The following CYLC1 variants were observed in gnomAD, a reference collection of about 807,000 sequenced individuals.
The protein encoded by CYLC1 is cylicin 1.
A neutral mutation model predicts 31.6 loss-of-function variants in CYLC1; 2 were observed. The observed-to-expected ratio is 0.06, with a 90% CI of 0.03 to 0.20. The LOEUF (loss-of-function observed/expected upper bound fraction) is 0.20, where lower values mean the gene tolerates loss of function less well. Ranked by LOEUF, CYLC1 falls within the 10% of genes least tolerant of loss-of-function variation. CYLC1 has a pLI of 1.00. For synonymous variants in CYLC1, 185 were observed against 153.0 expected (o/e 1.21, Z -1.54); for missense variants, 595 against 424.1 (o/e 1.40, Z -3.54).
At position 83,886,539 on chromosome X, in the gene CYLC1, C is replaced by T. The variant is rs2031985245; in HGVS notation, c.1924-13C>T. ...CTTTCTTTTTATTTGCATTTTTCTA[C>T]TTTGCTCCTCAGCCTGAAGCACCGT... On this transcript the variant is annotated splice_polypyrimidine_tract_variant and intron_variant, in intron 4 of 4. Transcript: ENST00000329312. 1 of 1,205,226 alleles carries T rather than the reference C, an allele frequency of 8.3e-7. No individual in the cohort carries two copies. Among genetic ancestry groups the T allele is most frequent in the Non-Finnish European group, 1.1e-6 (1 of 890,720 alleles).
intron 4 of CYLC1, among the ~76,000 whole-genome samples, chrX:83,876,339 G>A (rs997421084): frequency 9.1e-5 from 10 of 109,948 alleles, no homozygotes; most frequent in African/African-American, 3.3e-4. Context: ...ATACTTATAA[G>A]AAATAAAAGT....
Position 83,874,001 on chromosome X carries a change from A to T in CYLC1, c.1293A>T (p.Thr431=), listed in dbSNP as rs1225856559. The change falls in exon 4 of 5, where the codon ACA becomes ACT. Residue 431 remains threonine (T), a synonymous_variant. Transcript: ENST00000329312. ...AAAAGGATAAAAAAGATTCAAAGAC[A>T]GATAATAAAAAGTCTGTCAAGAATG... ...DEKKDKKDSK[T]DNKKSVKNDE... is the part of the protein sequence containing the mutation. The T allele has an allele frequency of 4.2e-6, 5 of 1,188,462 alleles. No individual in the cohort carries two copies. The highest frequency in any genetic ancestry group is 4.5e-6 in the Non-Finnish European group (4 of 884,165).
rs776965989 is a variant in CYLC1 at position 83,861,147 on chromosome X, C to T, written c.-36C>T. The T allele has an allele frequency of 1.7e-6, 2 of 1,171,081 alleles. No homozygotes were observed. Among genetic ancestry groups the T allele is most frequent in the Admixed American group, 4.5e-5 (2 of 44,518 alleles). On this transcript the variant is annotated 5_prime_UTR_variant, in exon 1 of 5. Coordinates refer to ENST00000329312, the MANE Select transcript of CYLC1 (RefSeq NM_021118.3). ...ACTCAACATTACCAGTTTCAACTTA[C>T]TATGCTCAAGTCCAGGCAACGTACA...
chrX:83,882,580 T>C (rs2031926781), intron 4 of CYLC1, among the ~76,000 whole-genome samples: 1 of 111,126 alleles, frequency 9.0e-6, no homozygotes, highest in African/African-American at 3.3e-5. Flanking sequence ...TTTTCTTTCT[T>C]GCTACTACTT....
chrX:83,867,866 G>A (rs997180932), intron 1 of CYLC1, among the ~76,000 whole-genome samples: 6 of 111,099 alleles, frequency 5.4e-5, no homozygotes, highest in South Asian at 3.7e-4. Flanking sequence ...ATTAAAATAC[G>A]GATATTTTTT....
intron 1 of CYLC1, among the ~76,000 whole-genome samples, chrX:83,869,354 C>T (rs2031633106): frequency 9.1e-6 from 1 of 109,966 alleles, no homozygotes; most frequent in African/African-American, 3.3e-5. Context: ...TTTTATGATC[C>T]TCTCCTTCCT....
chrX:83,883,109 T>C (rs900865873), intron 4 of CYLC1, among the ~76,000 whole-genome samples: 14 of 111,503 alleles, frequency 1.3e-4, no homozygotes, highest in African/African-American at 3.9e-4. Context: ...ATTGCCCCTC[T>C]TTTTTCTTGC....
Position 83,886,571 on chromosome X carries a change from A to G in CYLC1, c.1943A>G (p.His648Arg), listed in dbSNP as rs140033406. 0.01 allele frequency: 12,411 copies of G among 1,206,619 alleles called. 159 individuals are homozygous for G. Among genetic ancestry groups the G allele is most frequent in the East Asian group, 0.077 (2,594 of 33,674 alleles). The change falls in exon 5 of 5, where the codon CAT (histidine) becomes CGT (arginine). Residue 648 changes from histidine to arginine, a missense_variant. Transcript: ENST00000329312. ...YAPLPEAPWI[H>R]KLL Reference sequence around the variant, plus strand: ...CCTCAGCCTGAAGCACCGTGGATTCATAAGCTGCTTTAAAGAACAACTGAG... The same window carrying G: ...CCTCAGCCTGAAGCACCGTGGATTCGTAAGCTGCTTTAAAGAACAACTGAG...
chrX:83,878,056 T>C (rs1421776826), intron 4 of CYLC1, among the ~76,000 whole-genome samples: 1 of 62,229 alleles, frequency 1.6e-5, no homozygotes, highest in African/African-American at 6.5e-5. Flanking sequence ...ATATATATAT[T>C]TGTATATAAA....
At chrX:83,865,632 G>A (rs2031582748) in intron 1 of CYLC1, among the ~76,000 whole-genome samples, 1 of 111,583 alleles carries the variant, frequency 9.0e-6, no homozygotes, top group Non-Finnish European at 1.9e-5. Context: ...CTTTCTGAAG[G>A]CATCAGAAGC....
intron 2 of CYLC1, 88 bp downstream of exon 2, chrX:83,869,993 T>C: frequency 2.0e-6 from 1 of 504,594 alleles, no homozygotes; most frequent in African/African-American, 2.4e-5. Context: ...TTAAATGTGA[T>C]AAAGCAGAAA....
At chrX:83,869,492 G>C (rs773058532) in intron 1 of CYLC1, among the ~76,000 whole-genome samples, 31 of 110,561 alleles carry the variant, frequency 2.8e-4, no homozygotes, top group African/African-American at 9.8e-4. Flanking sequence ...TCCTGCTCTA[G>C]TATGCTGAGG....
chrX:83,879,363 G>T (rs2147786039), intron 4 of CYLC1, among the ~76,000 whole-genome samples: 1 of 110,507 alleles, frequency 9.0e-6, no homozygotes, highest in South Asian at 3.8e-4. Context: ...AGGAGGGAGA[G>T]AGAGAGGGAG....
intron 4 of CYLC1, among the ~76,000 whole-genome samples, chrX:83,878,805 A>C (rs748098100): frequency 1.9e-5 from 2 of 105,907 alleles, no homozygotes; most frequent in South Asian, 8.2e-4. Context: ...GTGTATGGGG[A>C]ACTTATGAAC....
chrX:83,883,927 T>C (rs1293839671), intron 4 of CYLC1, among the ~76,000 whole-genome samples: 1 of 111,656 alleles, frequency 9.0e-6, no homozygotes, highest in Non-Finnish European at 1.9e-5. Flanking sequence ...GAAGTAATAT[T>C]TCAGCTTGGT....
intron 4 of CYLC1, among the ~76,000 whole-genome samples, chrX:83,881,666 C>A (rs1412568052): frequency 9.2e-6 from 1 of 108,711 alleles, no homozygotes. Flanking sequence ...TTTTCGAGAT[C>A]TTTGTACAAT....
At chrX:83,869,823 C>T in intron 1 of CYLC1, 42 bp from the exon 2 acceptor site, 6 of 654,906 alleles carry the variant, frequency 9.2e-6, no homozygotes, top group Admixed American at 5.6e-5. Context: ...TATTTATTGC[C>T]CATAATACAA....
intron 1 of CYLC1, among the ~76,000 whole-genome samples, chrX:83,863,368 C>T (rs1299437033): frequency 9.0e-6 from 1 of 111,040 alleles, no homozygotes; most frequent in Non-Finnish European, 1.9e-5. Flanking sequence ...TTTCCCTGTT[C>T]CTTGCTAATG....
At chrX:83,879,857 T>G (rs2031885307) in intron 4 of CYLC1, among the ~76,000 whole-genome samples, 1 of 111,647 alleles carries the variant, frequency 9.0e-6, no homozygotes, top group African/African-American at 3.3e-5. Context: ...AATAAAGAAA[T>G]AATACATCTT....
Sources: gnomAD v4.1 joint callset for allele counts (sites outside exome capture counted in the v4.1 genomes callset) on GRCh38, gnomAD v4.1.1 for gene constraint, MANE v1.5 for transcripts, NCBI Gene and HGNC (gene_info 2026-07-23, HGNC 2026-07-21) for gene names.